The following ANK3 variants were observed in gnomAD, a reference collection of about 807,000 sequenced individuals.
ANK3 encodes the protein ankyrin-3.
A neutral mutation model predicts 370.9 loss-of-function variants in ANK3; 57 were observed. That is an observed-to-expected ratio of 0.15 (90% CI 0.12 to 0.19). ANK3 has a LOEUF of 0.19. Ranked by LOEUF, ANK3 falls within the 10% of genes least tolerant of loss-of-function variation. The pLI, the probability that ANK3 is intolerant of heterozygous loss-of-function variation, is 1.00. For missense variants in ANK3, 4,439 were observed against 5,302.1 expected, an observed-to-expected ratio of 0.84 and a Z score of 5.06; for synonymous variants, 1,929 against 1,946.3, an observed-to-expected ratio of 0.99 and a Z score of 0.23.
intron 42 of ANK3, among the ~76,000 whole-genome samples, chr10:60,046,669 G>C (rs188195596): frequency 3.9e-4 from 59 of 152,100 alleles, no homozygotes; most frequent in African/African-American, 1.2e-3. Flanking sequence ...TGATTAAATA[G>C]ATAGGAAAGA....
chr10:60,415,372 A>T (rs565298505), intron 2 of ANK3, among the ~76,000 whole-genome samples: 20 of 152,212 alleles, frequency 1.3e-4, no homozygotes, highest in African/African-American at 4.1e-4. Flanking sequence ...CATCTGCAAA[A>T]CGTAAAAAGA....
At chr10:60,505,693 T>C (rs763897290) in intron 2 of ANK3, among the ~76,000 whole-genome samples, 4 of 152,140 alleles carry the variant, frequency 2.6e-5, no homozygotes, top group Non-Finnish European at 5.9e-5. Flanking sequence ...CAAGTCCTCA[T>C]TTCCTCCCAC....
At chr10:60,221,304 TCCTGA>T (rs1198113283) in intron 8 of ANK3, among the ~76,000 whole-genome samples, 1 of 152,152 alleles carries the variant, frequency 6.6e-6, no homozygotes, top group East Asian at 1.9e-4. Context: ...GGTCTCGACT[TCCTGA>T]CCTCAGGTGA....
intron 1 of ANK3, among the ~76,000 whole-genome samples, chr10:60,383,586 G>A (rs1265249570): frequency 1.1e-4 from 16 of 152,080 alleles, no homozygotes; most frequent in Admixed American, 1.0e-3. Context: ...ACCATCTCCA[G>A]CCTCAAGGAG....
intron 2 of ANK3, among the ~76,000 whole-genome samples, chr10:60,603,886 C>T (rs1006994823): frequency 1.3e-5 from 2 of 152,252 alleles, no homozygotes; most frequent in Admixed American, 1.3e-4. Flanking sequence ...AGGCACACTC[C>T]TCAGTCTCAC....
At chr10:60,626,982 AC>A (rs2078420065) in intron 1 of ANK3, among the ~76,000 whole-genome samples, 1 of 152,012 alleles carries the variant, frequency 6.6e-6, no homozygotes, top group South Asian at 2.1e-4. Context: ...GAAATAAAAA[AC>A]CCTGGAAAAG....
chr10:60,520,015 T>C (rs1238809477), intron 2 of ANK3, among the ~76,000 whole-genome samples: 1 of 152,098 alleles, frequency 6.6e-6, no homozygotes, highest in Non-Finnish European at 1.5e-5. Flanking sequence ...CTCTATTGTA[T>C]ATTATGGGCC....
intron 2 of ANK3, among the ~76,000 whole-genome samples, chr10:60,592,588 GTC>G (rs1215232216): frequency 1.3e-5 from 2 of 152,038 alleles, no homozygotes; most frequent in Non-Finnish European, 1.5e-5. Flanking sequence ...GGTGAAACCT[GTC>G]TCTACTAAAA....
intron 2 of ANK3, among the ~76,000 whole-genome samples, chr10:60,545,269 A>C (rs948681184): frequency 2.0e-5 from 3 of 152,048 alleles, no homozygotes; most frequent in African/African-American, 7.2e-5. Flanking sequence ...GTGGGAGAGA[A>C]CAGAAAAGAG....
intron 2 of ANK3, among the ~76,000 whole-genome samples, chr10:60,576,434 AT>A (rs543418502): frequency 1.5e-3 from 236 of 152,278 alleles, no homozygotes; most frequent in Non-Finnish European, 2.7e-3. Context: ...TAGGAAGCAA[AT>A]TTTTTTAAGC....
Position 60,075,507 on chromosome 10 carries a change from G to C in ANK3, c.5374C>G (p.Leu1792Val). The change falls in exon 37 of 44, where the codon CTA (leucine) becomes GTA (valine). Residue 1792 changes from leucine to valine, a missense_variant. Physicochemically the swap from Leu to Val is conservative, Grantham distance 32. Around this residue, in one of 13 missense-constraint regions of ANK3, gnomAD observed 679 missense variants for 791.0 expected, o/e 0.86. Coordinates refer to ENST00000280772, the MANE Select transcript of ANK3 (RefSeq NM_020987.5). Reference protein sequence around the residue: ...VSAAPSAFQSLRTPSASALYT... With the variant: ...VSAAPSAFQSVRTPSASALYT... ...AGTGCACTTGCGGAAGGAGTTCTTA[G>C]AGACTGAAAAGCTGATGGTGCTGCA... 1 of 1,613,488 alleles carries C rather than the reference G, an allele frequency of 6.2e-7. No homozygotes were observed.
intron 1 of ANK3, among the ~76,000 whole-genome samples, chr10:60,351,742 G>A (rs540702692): frequency 6.6e-6 from 1 of 152,224 alleles, no homozygotes; most frequent in East Asian, 1.9e-4. Flanking sequence ...TGGGGACTGG[G>A]CAGCCACAGA....
At chr10:60,486,244 T>C (rs184590008) in intron 2 of ANK3, among the ~76,000 whole-genome samples, 74 of 152,348 alleles carry the variant, frequency 4.9e-4, no homozygotes, top group Admixed American at 1.6e-3. Flanking sequence ...AAAAAGTTGC[T>C]GATTAGTTTT....
At chr10:60,165,943 C>A (rs1048521687) in intron 23 of ANK3, among the ~76,000 whole-genome samples, 1 of 152,084 alleles carries the variant, frequency 6.6e-6, no homozygotes, top group Non-Finnish European at 1.5e-5. Flanking sequence ...TCCAATGGAC[C>A]TTTTAAAGAT....
intron 15 of ANK3, 31 bp from the exon 16 acceptor site, chr10:60,196,274 G>T: frequency 6.3e-7 from 1 of 1,581,996 alleles, no homozygotes; most frequent in Middle Eastern, 1.7e-4. Context: ...AACAACCAGT[G>T]TCAAAGGTGT....
intron 8 of ANK3, among the ~76,000 whole-genome samples, chr10:60,225,057 G>A (rs1253999899): frequency 2.0e-5 from 3 of 151,946 alleles, no homozygotes; most frequent in African/African-American, 7.3e-5. Flanking sequence ...GGGATTACAG[G>A]CATGCCCCAC....
At chr10:60,318,564 G>T (rs2047952610) in intron 1 of ANK3, among the ~76,000 whole-genome samples, 1 of 152,106 alleles carries the variant, frequency 6.6e-6, no homozygotes, top group African/African-American at 2.4e-5. Context: ...AGACCAGGTA[G>T]CCTCAATGTC....
intron 28 of ANK3, among the ~76,000 whole-genome samples, chr10:60,094,323 G>A (rs2089562086): frequency 6.6e-6 from 1 of 151,892 alleles, no homozygotes. Context: ...AAGTAGCTGG[G>A]ATTACAGCCA....
rs368343846 is a variant in ANK3 at position 60,669,868 on chromosome 10, G to C, written c.58-54644C>G. 6.6e-4 allele frequency among the ~76,000 whole-genome samples: 101 copies of C among 152,218 alleles called. 4 individuals are homozygous for C. The South Asian group carries it at 0.021, about 32-fold the overall frequency. On this transcript the variant is annotated intron_variant, in intron 1 of 43. Transcript: ENST00000373827. ...GACAGGGCCTTGCTCTGTCACCCAG[G>C]CTGGAGTGCAGTGGTGTGAATAGAG...
Sources: gnomAD v4.1 joint callset for allele counts (sites outside exome capture counted in the v4.1 genomes callset) on GRCh38, gnomAD v4.1.1 for gene constraint, gnomAD v4.1.1 regional missense constraint, MANE v1.5 for transcripts, NCBI Gene and HGNC (gene_info 2026-07-23, HGNC 2026-07-21) for gene names.